ARHGAP22: variants seen among roughly 807,000 people sequenced by gnomAD.
ARHGAP22 encodes rho GTPase-activating protein 22.
Under a neutral mutation model 59.1 loss-of-function variants are expected in ARHGAP22, and 48 were observed. The ratio of observed to expected loss-of-function variants is 0.81; its 90% CI spans 0.64 to 1.03. The LOEUF (loss-of-function observed/expected upper bound fraction) is 1.03, where lower values mean the gene tolerates loss of function less well. Among genes scored for constraint, ARHGAP22 ranks in the 50% least tolerant of loss-of-function variants. The pLI is 0.00. For missense variants in ARHGAP22, 1,015 were observed against 958.7 expected, an observed-to-expected ratio of 1.06 and a Z score of -0.78; for synonymous variants, 445 against 416.4, an observed-to-expected ratio of 1.07 and a Z score of -0.84.
At chr10:48,554,440 T>C (rs545722678) in intron 3 of ARHGAP22, among the ~76,000 whole-genome samples, 2 of 152,138 alleles carry the variant, frequency 1.3e-5, no homozygotes, top group Non-Finnish European at 2.9e-5. Context: ...CCTAGCACAC[T>C]CAGTTCACAG....
At chr10:48,596,342 G>A (rs943838707) in intron 1 of ARHGAP22, among the ~76,000 whole-genome samples, 4 of 152,330 alleles carry the variant, frequency 2.6e-5, no homozygotes, top group Non-Finnish European at 5.9e-5. Flanking sequence ...CAGAGCTAAC[G>A]GGGGACAGAT....
intron 4 of ARHGAP22, among the ~76,000 whole-genome samples, chr10:48,462,190 CGT>C (rs888092258): frequency 1.5e-5 from 2 of 134,160 alleles, no homozygotes; most frequent in East Asian, 2.3e-4. Flanking sequence ...CGCTTATAAA[CGT>C]ATGTGCATAT....
At chr10:48,460,837 A>C (rs10776605) in intron 4 of ARHGAP22, among the ~76,000 whole-genome samples, 137,644 of 152,264 alleles carry the variant, frequency 0.9, 63,675 homozygotes, top group East Asian at 1. Flanking sequence ...ACAAGTGATA[A>C]AATATGGGTG....
intron 1 of ARHGAP22, among the ~76,000 whole-genome samples, chr10:48,598,406 T>C (rs575234074): frequency 1.3e-5 from 2 of 152,234 alleles, no homozygotes; most frequent in South Asian, 4.1e-4. Flanking sequence ...TGAAACACTC[T>C]GGTACTTACA....
At chr10:48,633,452 G>A (rs529873550) in intron 1 of ARHGAP22, among the ~76,000 whole-genome samples, 1 of 152,352 alleles carries the variant, frequency 6.6e-6, no homozygotes, top group Admixed American at 6.5e-5. Flanking sequence ...TGTTTGTCTG[G>A]AAGGGAGTTC....
intron 3 of ARHGAP22, among the ~76,000 whole-genome samples, chr10:48,525,305 G>A (rs893462809): frequency 2.0e-5 from 3 of 152,226 alleles, no homozygotes; most frequent in African/African-American, 4.8e-5. Context: ...GGGCATGGTG[G>A]CTCGTGCTTG....
intron 4 of ARHGAP22, 105 bp downstream of exon 4, chr10:48,479,531 G>A (rs1029488814): frequency 5.6e-5 from 89 of 1,587,342 alleles, no homozygotes; most frequent in East Asian, 1.1e-4. Context: ...GATGCAGCCA[G>A]CAAGTCCTCA....
At chr10:48,506,689 C>T (rs908468818) in intron 3 of ARHGAP22, among the ~76,000 whole-genome samples, 15 of 152,070 alleles carry the variant, frequency 9.9e-5, no homozygotes, top group African/African-American at 3.6e-4. Context: ...AGTGCATGCG[C>T]CCCCACCAAG....
At chr10:48,529,808 C>T (rs969861423) in intron 3 of ARHGAP22, among the ~76,000 whole-genome samples, 1 of 152,194 alleles carries the variant, frequency 6.6e-6, no homozygotes, top group Non-Finnish European at 1.5e-5. Flanking sequence ...CAAATACTTA[C>T]AGTCAATTGA....
In ARHGAP22 at chr10:48,446,270, G is replaced by T. The variant is rs2133477750; in HGVS notation, c.*121C>A. On this transcript the variant is annotated 3_prime_UTR_variant, in exon 10 of 10. Transcript: ENST00000249601. ...CCCACAGTCCCCACAGAGGTATCAG[G>T]ATCTCTCTCTCTCCAGCTGGCTCCA... The T allele has an allele frequency of 8.6e-6, 9 of 1,042,216 alleles. No individual in the cohort carries two copies. The highest frequency in any genetic ancestry group is 1.3e-5 in the Non-Finnish European group (9 of 715,454). The allele number at this position is 1,042,216 out of a possible 1,614,324, so 64.6% of individuals were successfully genotyped here.
intron 1 of ARHGAP22, among the ~76,000 whole-genome samples, chr10:48,612,359 T>A (rs1008253129): frequency 6.6e-6 from 1 of 152,210 alleles, no homozygotes; most frequent in Admixed American, 6.5e-5. Flanking sequence ...CAAGAATGGA[T>A]CTGCTCTATA....
At chr10:48,529,418 C>A (rs767326026) in intron 3 of ARHGAP22, among the ~76,000 whole-genome samples, 3 of 152,142 alleles carry the variant, frequency 2.0e-5, no homozygotes, top group South Asian at 2.1e-4. Flanking sequence ...GACTCTGGAC[C>A]AATTCTGGGT....
chr10:48,494,977 T>C (rs2050769630), intron 3 of ARHGAP22, among the ~76,000 whole-genome samples: 1 of 152,230 alleles, frequency 6.6e-6, no homozygotes, highest in Non-Finnish European at 1.5e-5. Context: ...AATCCTTCCC[T>C]GGGTGAGAGC....
intron 1 of ARHGAP22, among the ~76,000 whole-genome samples, chr10:48,593,393 C>A (rs1300788270): frequency 6.6e-6 from 1 of 152,168 alleles, no homozygotes; most frequent in African/African-American, 2.4e-5. Flanking sequence ...GTTCCCAGAC[C>A]CCTGAGGATG....
chr10:48,518,931 G>A (rs1180784977), intron 3 of ARHGAP22, among the ~76,000 whole-genome samples: 1 of 152,246 alleles, frequency 6.6e-6, no homozygotes, highest in African/African-American at 2.4e-5. Flanking sequence ...TTCAGTTTTA[G>A]CCCGATTAGC....
chr10:48,453,934 C>T (rs1305634973), intron 7 of ARHGAP22, among the ~76,000 whole-genome samples, 154 bp downstream of exon 7: 4 of 152,210 alleles, frequency 2.6e-5, no homozygotes, highest in Non-Finnish European at 5.9e-5. Flanking sequence ...TGCTTTTCCA[C>T]TCCCTGCTTC....
chr10:48,641,145 T>C (rs1313694887), intron 1 of ARHGAP22, among the ~76,000 whole-genome samples: 1 of 151,756 alleles, frequency 6.6e-6, no homozygotes, highest in Non-Finnish European at 1.5e-5. Flanking sequence ...TACTAGAAAA[T>C]ATCTATCTAA....
intron 4 of ARHGAP22, among the ~76,000 whole-genome samples, chr10:48,461,796 G>A (rs2047158319): frequency 6.6e-6 from 1 of 152,240 alleles, no homozygotes; most frequent in African/African-American, 2.4e-5. Flanking sequence ...AGGGTGGCTT[G>A]TGGGGTGTTC....
intron 3 of ARHGAP22, among the ~76,000 whole-genome samples, chr10:48,523,782 C>T (rs369493702): frequency 6.6e-6 from 1 of 152,024 alleles, no homozygotes; most frequent in Non-Finnish European, 1.5e-5. Context: ...CTCCCCTCCG[C>T]TCTACCCACT....
Sources: allele counts gnomAD v4.1 joint callset (sites outside exome capture counted in the v4.1 genomes callset), GRCh38; gene constraint gnomAD v4.1.1; transcripts MANE v1.5; gene names NCBI Gene and HGNC (gene_info 2026-07-23, HGNC 2026-07-21).